Variants in C8orf34 observed in about 807,000 individuals in gnomAD.
C8orf34 encodes chromosome 8 open reading frame 34, also known as uncharacterized protein C8orf34.
In C8orf34, 65 loss-of-function variants were observed where a neutral mutation model predicts 68.3. The ratio of observed to expected loss-of-function variants is 0.95; its 90% confidence interval spans 0.78 to 1.17. C8orf34 has a LOEUF of 1.17. Ranked by LOEUF, C8orf34 falls within the 50% of genes most tolerant of loss-of-function variation. The probability of loss-of-function intolerance (pLI) is 0.00; values close to 1 mark genes in which losing one functional copy is unlikely to be tolerated. For missense variants in C8orf34, 664 were observed against 655.4 expected (o/e 1.01, Z -0.14); for synonymous variants, 244 against 241.2 (o/e 1.01, Z -0.11).
chr8:68,663,390 A>T (rs760855007), intron 8 of C8orf34, among the ~76,000 whole-genome samples: 6 of 152,230 alleles, frequency 3.9e-5, no homozygotes, highest in Admixed American at 6.5e-5. Context: ...ACAAATTAGC[A>T]AAAGACCCAG....
chr8:68,446,379 T>A lies in C8orf34; in HGVS notation c.526T>A (p.Leu176Ile). 1 of 1,612,198 alleles carries A rather than the reference T, an allele frequency of 6.2e-7. No individual in the cohort carries two copies. Among genetic ancestry groups the A allele is most frequent in the Non-Finnish European group, 8.5e-7 (1 of 1,179,340 alleles). ...CAGAAGCTATGATAAACCTTGGCAA[T>A]TAAATGCAAAGAAGCCTAAAAAATC... Reference protein sequence around the residue: ...DFRSYDKPWQLNAKKPKKSKS... With the variant: ...DFRSYDKPWQINAKKPKKSKS... Residue 176 changes from leucine to isoleucine, a missense_variant, in exon 3 of 14, where the codon TTA (leucine) becomes ATA (isoleucine). By Grantham distance (5) the Leu-to-Ile change is conservative. Coordinates refer to ENST00000518698, the MANE Select transcript of C8orf34 (RefSeq NM_052958.4).
At chr8:68,532,894 A>G (rs1296126532) in intron 6 of C8orf34, 89 bp from the exon 7 acceptor site, 1 of 908,826 alleles carries the variant, frequency 1.1e-6, no homozygotes, top group Non-Finnish European at 1.7e-6. Context: ...ACATGTCCAC[A>G]TACGTGTGTA....
chr8:68,772,347 G>A (rs1823365277), intron 10 of C8orf34, among the ~76,000 whole-genome samples: 1 of 152,174 alleles, frequency 6.6e-6, no homozygotes, highest in Non-Finnish European at 1.5e-5. Flanking sequence ...AACAAGAGAA[G>A]CATGGCATAA....
intron 1 of C8orf34, among the ~76,000 whole-genome samples, chr8:68,395,294 G>A (rs969662570): frequency 6.6e-6 from 1 of 150,810 alleles, no homozygotes; most frequent in African/African-American, 2.4e-5. Context: ...AATATATTAT[G>A]TTTGTTTCCA....
chr8:68,762,689 G>A (rs1823054624), intron 10 of C8orf34, among the ~76,000 whole-genome samples: 1 of 152,116 alleles, frequency 6.6e-6, no homozygotes, highest in Admixed American at 6.5e-5. Context: ...TTCTAAAGAT[G>A]GGCATACCTT....
At chr8:68,460,470 G>C (rs185191915) in intron 3 of C8orf34, among the ~76,000 whole-genome samples, 2 of 152,334 alleles carry the variant, frequency 1.3e-5, no homozygotes, top group Middle Eastern at 3.4e-3. Flanking sequence ...GGAGATCAGA[G>C]AATGGGCAGA....
At chr8:68,401,506 T>G (rs2263127) in intron 1 of C8orf34, among the ~76,000 whole-genome samples, 96,511 of 151,860 alleles carry the variant, frequency 0.64, 30,730 homozygotes, top group African/African-American at 0.69. Flanking sequence ...AATGTTGGCT[T>G]TGGGTTTCTC....
At chr8:68,462,044 C>A (rs866149179) in intron 3 of C8orf34, among the ~76,000 whole-genome samples, 1 of 152,014 alleles carries the variant, frequency 6.6e-6, no homozygotes, top group Non-Finnish European at 1.5e-5. Context: ...TTCAGGAAAC[C>A]CATCTCACGT....
At chr8:68,472,402 G>A (rs989763275) in intron 4 of C8orf34, among the ~76,000 whole-genome samples, 3 of 152,084 alleles carry the variant, frequency 2.0e-5, no homozygotes, top group African/African-American at 7.2e-5. Context: ...TCCTTTAAAG[G>A]GCACACCTGA....
At chr8:68,380,053 G>A (rs1304968624) in intron 1 of C8orf34, among the ~76,000 whole-genome samples, 1 of 152,044 alleles carries the variant, frequency 6.6e-6, no homozygotes, top group African/African-American at 2.4e-5. Flanking sequence ...GTAGAGATAG[G>A]ATCTCCCCGT....
At chr8:68,772,130 T>C (rs1382005544) in intron 10 of C8orf34, among the ~76,000 whole-genome samples, 1 of 152,214 alleles carries the variant, frequency 6.6e-6, no homozygotes, top group African/African-American at 2.4e-5. Context: ...AGGTTAGAAT[T>C]ATTGTTTAGT....
chr8:68,507,477 C>G (rs1333665110), intron 5 of C8orf34, among the ~76,000 whole-genome samples: 1 of 152,142 alleles, frequency 6.6e-6, no homozygotes, highest in Non-Finnish European at 1.5e-5. Context: ...TCTTGCTGGG[C>G]AAATGTCATC....
At chr8:68,787,418 C>T (rs1412116956) in intron 11 of C8orf34, 25 bp from the exon 12 acceptor site, 2 of 1,554,410 alleles carry the variant, frequency 1.3e-6, no homozygotes, top group Admixed American at 1.7e-5. Context: ...AGAGTTTAAT[C>T]TAAAATAAAT....
intron 1 of C8orf34, among the ~76,000 whole-genome samples, chr8:68,385,328 G>A (rs1808215360): frequency 1.3e-5 from 2 of 152,146 alleles, no homozygotes; most frequent in Non-Finnish European, 2.9e-5. Context: ...TTTGATACCA[G>A]TATTCATGCT....
chr8:68,511,663 C>T (rs1038392367), intron 5 of C8orf34, among the ~76,000 whole-genome samples: 2 of 152,188 alleles, frequency 1.3e-5, no homozygotes, highest in Non-Finnish European at 2.9e-5. Flanking sequence ...AACATACTGA[C>T]ATGCTGATTC....
At position 68,331,077 on chromosome 8, in the gene C8orf34, C is replaced by A; in HGVS notation, c.65C>A (p.Ser22Ter). 6.9e-7 allele frequency: 1 copy of A among 1,447,136 alleles called. No homozygotes were observed. Among genetic ancestry groups the A allele is most frequent in the Non-Finnish European group, 9.1e-7 (1 of 1,103,780 alleles). The allele number at this position is 1,447,136 out of a possible 1,614,324, so 89.6% of individuals were successfully genotyped here. Residue 22 changes from serine (S) to a stop codon, truncating the protein, a stop_gained, in exon 1 of 14, where the codon TCA (serine) becomes TAA (stop). Coordinates refer to ENST00000518698, the MANE Select transcript of C8orf34 (RefSeq NM_052958.4). LOFTEE classifies it high-confidence loss of function. ...LAALRPGFRL[S>*]APHARVAPRA... ...GCGCTGCGCCCAGGCTTCCGGCTCT[C>A]AGCGCCCCACGCGCGCGTGGCTCCC...
intron 1 of C8orf34, among the ~76,000 whole-genome samples, chr8:68,403,942 C>T (rs547300138): frequency 4.3e-4 from 65 of 152,246 alleles, no homozygotes; most frequent in African/African-American, 1.4e-3. Flanking sequence ...GGTTCTAGAT[C>T]CTTGAGGAAT....
At chr8:68,571,045 A>C (rs947400680) in intron 7 of C8orf34, among the ~76,000 whole-genome samples, 3 of 152,170 alleles carry the variant, frequency 2.0e-5, no homozygotes, top group African/African-American at 7.2e-5. Flanking sequence ...CATTGAAAGA[A>C]ATCACTGGGA....
In C8orf34 at chr8:68,579,157, C is replaced by T. The variant is rs149498730; in HGVS notation, c.1105+46008C>T. Among the ~76,000 whole-genome samples the T allele has an allele frequency of 4.8e-3, 737 of 152,030 alleles. 6 individuals are homozygous for T. Among genetic ancestry groups the T allele is most frequent in the African/African-American group, 0.017 (711 of 41,472 alleles). ...TTAATGGCCACAGTTGTGCACAATG[C>T]CCTGATACTCCCAGGTACAGAAACT... is the stretch of plus-strand genomic sequence containing the variant. On this transcript the variant is annotated intron_variant, in intron 7 of 13. Coordinates refer to ENST00000518698, the MANE Select transcript of C8orf34 (RefSeq NM_052958.4).
Sources: allele counts gnomAD v4.1 joint callset (sites outside exome capture counted in the v4.1 genomes callset), GRCh38; gene constraint gnomAD v4.1.1; transcripts MANE v1.5; gene names NCBI Gene and HGNC (gene_info 2026-07-23, HGNC 2026-07-21).